Variants in DIPK1C observed in about 807,000 individuals in gnomAD.
The protein encoded by DIPK1C is divergent protein kinase domain 1C.
In DIPK1C, 33 loss-of-function variants were observed where a neutral mutation model predicts 28.0. That is an observed-to-expected ratio of 1.18 (90% CI 0.89 to 1.58). The LOEUF (loss-of-function observed/expected upper bound fraction) is 1.58. DIPK1C is among the 40% of genes most tolerant of loss of function. DIPK1C has a pLI of 0.00. For synonymous variants in DIPK1C, 255 were observed against 248.8 expected (o/e 1.02, Z -0.23); for missense variants, 569 against 568.5 (o/e 1.00, Z -0.01).
chr18:74,455,738 A>AAG (rs1986496175), intron 1 of DIPK1C, among the ~76,000 whole-genome samples: 1 of 149,032 alleles, frequency 6.7e-6, no homozygotes. Flanking sequence ...AAAAAAAAGA[A>AAG]AAAGAAAAAG....
chr18:74,436,443 G>T lies in DIPK1C; in HGVS notation c.*58C>A. The T allele has an allele frequency of 6.8e-7, 1 of 1,475,590 alleles. No homozygotes were observed. Among genetic ancestry groups the T allele is most frequent in the Non-Finnish European group, 9.1e-7 (1 of 1,097,212 alleles). 91.4% of individuals were successfully genotyped at this position (1,475,590 alleles called of 1,614,324 possible). On this transcript the variant is annotated 3_prime_UTR_variant, in exon 4 of 4. Coordinates refer to ENST00000343998, the MANE Select transcript of DIPK1C (RefSeq NM_001044369.3). Reference sequence around the variant, plus strand: ...ATGGCTCATCTTTAAAACAATGGCAGAAGAAATCCAGCCAAGGTCACTTTT... The same window carrying T: ...ATGGCTCATCTTTAAAACAATGGCATAAGAAATCCAGCCAAGGTCACTTTT...
upstream of DIPK1C, among the ~76,000 whole-genome samples, chr18:74,458,940 C>CAAAAAAA (rs61690822): frequency 0.029 from 3,561 of 123,040 alleles, 56 homozygotes; most frequent in Non-Finnish European, 0.044. Context: ...CCAACCTGGG[C>CAAAAAAA]AAAAAAAAAA....
Position 74,436,620 on chromosome 18 carries a change from C to G in DIPK1C, c.1141G>C (p.Glu381Gln). 1 of 1,613,688 alleles carries G rather than the reference C, an allele frequency of 6.2e-7. No homozygotes were observed. Among genetic ancestry groups the G allele is most frequent in the Non-Finnish European group, 8.5e-7 (1 of 1,180,008 alleles). ...LQLQLQEAVQ[E>Q]CADPGVPSGN... ...CTGGGGACCCCAGGGTCTGCACATT[C>G]CTGCACCGCCTCCTGTAACTGCAGC... The change falls in exon 4 of 4, where the codon GAA becomes CAA. Residue 381 changes from glutamate to glutamine, a missense_variant. Transcript: ENST00000343998.
At chr18:74,461,095 G>A (rs142632014), upstream of DIPK1C, among the ~76,000 whole-genome samples, 4 of 152,320 alleles carry the variant, frequency 2.6e-5, no homozygotes, top group African/African-American at 4.8e-5. Flanking sequence ...AGAAGGACTC[G>A]GGTGAGAGCC....
At chr18:74,461,328 TTTCCTTCCTTCCTTCTTTCC>T (rs1461764529), upstream of DIPK1C, among the ~76,000 whole-genome samples, 1 of 143,478 alleles carries the variant, frequency 7.0e-6, no homozygotes, top group Non-Finnish European at 1.5e-5. Context: ...TTCTTTTTCT[TTTCCTTCCTTCCTTCTTTCC>T]TTCCTTCCTT....
chr18:74,464,216 C>G, the DIPK1C span, among the ~76,000 whole-genome samples: 1 of 152,170 alleles, frequency 6.6e-6, no homozygotes, highest in African/African-American at 2.4e-5. Context: ...CCTTTCTACT[C>G]TCAGACAACT....
At chr18:74,438,761 A>G (rs1438119396) in intron 3 of DIPK1C, among the ~76,000 whole-genome samples, 1 of 152,152 alleles carries the variant, frequency 6.6e-6, no homozygotes, top group Non-Finnish European at 1.5e-5. Context: ...GCATGCAGGG[A>G]TTCTTTGAGG....
intron 3 of DIPK1C, among the ~76,000 whole-genome samples, chr18:74,437,487 T>C (rs1259533390): frequency 2.6e-5 from 4 of 152,168 alleles, no homozygotes; most frequent in Non-Finnish European, 2.9e-5. Flanking sequence ...CTGGGAGAAA[T>C]GACCTGCGAG....
At chr18:74,442,304 T>A (rs969883345) in intron 2 of DIPK1C, among the ~76,000 whole-genome samples, 188 bp from the exon 3 acceptor site, 3 of 152,046 alleles carry the variant, frequency 2.0e-5, no homozygotes, top group Non-Finnish European at 2.9e-5. Flanking sequence ...CCCTAAAGTG[T>A]CTGCATGCAT....
At chr18:74,457,537 G>T (rs182994798), upstream of DIPK1C, among the ~76,000 whole-genome samples, 181 of 152,278 alleles carry the variant, frequency 1.2e-3, no homozygotes, top group Middle Eastern at 6.8e-3. Flanking sequence ...CCCCCAAGAA[G>T]ACCAGCTCCC....
chr18:74,459,983 C>T (rs548297423), upstream of DIPK1C, among the ~76,000 whole-genome samples: 4 of 152,320 alleles, frequency 2.6e-5, no homozygotes, highest in South Asian at 2.1e-4. Context: ...GGCCCCAACA[C>T]GCCAATCCCA....
upstream of DIPK1C, among the ~76,000 whole-genome samples, chr18:74,459,879 C>T (rs1326776401): frequency 1.3e-5 from 2 of 152,194 alleles, no homozygotes; most frequent in East Asian, 1.9e-4. Flanking sequence ...CAAGCTCTGA[C>T]CCCATCTGCA....
upstream of DIPK1C, chr18:74,458,084 C>G (rs1288970019): frequency 6.6e-6 from 1 of 152,344 alleles, no homozygotes; most frequent in East Asian, 1.9e-4. Context: ...GTTCCCATCC[C>G]AATTGTTCTG....
chr18:74,442,324 CTTTTTCTTTTTT>C (rs1169006724), intron 2 of DIPK1C, among the ~76,000 whole-genome samples: 2 of 150,630 alleles, frequency 1.3e-5, no homozygotes, highest in Non-Finnish European at 2.9e-5. Context: ...TTTTCTTTTT[CTTTTTCTTTTTT>C]TTTTTTAATT....
At chr18:74,450,094 A>C (rs1303331037) in intron 1 of DIPK1C, among the ~76,000 whole-genome samples, 1 of 152,038 alleles carries the variant, frequency 6.6e-6, no homozygotes, top group African/African-American at 2.4e-5. Context: ...ACCGTGAGCA[A>C]GAAGATATAG....
chr18:74,457,252 C>A lies in DIPK1C; in HGVS notation c.8G>T (p.Arg3Leu). The change falls in exon 1 of 4, where the codon CGG becomes CTG. Residue 3 changes from arginine to leucine, a missense_variant. Arg to Leu is a moderately radical substitution (Grantham distance 102, BLOSUM62 -2). Transcript: ENST00000343998. MA[R>L]AAGARGPAGW... ...GGCAGGGCCCCGCGCGCCCGCCGCCCGCGCCATGGCCAGCCCTGCCCGCGC... is the reference window on the plus strand; with the variant it reads ...GGCAGGGCCCCGCGCGCCCGCCGCCAGCGCCATGGCCAGCCCTGCCCGCGC... 2.0e-6 allele frequency: 2 copies of A among 1,001,150 alleles called. No individual in the cohort carries two copies. Among genetic ancestry groups the A allele is most frequent in the Non-Finnish European group, 2.4e-6 (2 of 841,966 alleles). The allele number at this position is 1,001,150 out of a possible 1,614,324, so 62.0% of individuals were successfully genotyped here. A position where few individuals can be genotyped will look rare whatever the true frequency, so the allele number is the denominator to read the frequency against.
At chr18:74,437,702 T>G (rs1296521902) in intron 3 of DIPK1C, among the ~76,000 whole-genome samples, 1 of 152,180 alleles carries the variant, frequency 6.6e-6, no homozygotes, top group East Asian at 1.9e-4. Flanking sequence ...TGTGCAAAAT[T>G]TAAAATGTTC....
chr18:74,439,070 CT>C (rs199873271), intron 3 of DIPK1C, among the ~76,000 whole-genome samples: 5 of 150,846 alleles, frequency 3.3e-5, no homozygotes, highest in East Asian at 1.9e-4. Context: ...AAATTTGCTC[CT>C]TTTTTTTGTA....
chr18:74,442,381 T>G (rs1339195516), intron 2 of DIPK1C, among the ~76,000 whole-genome samples: 1 of 152,098 alleles, frequency 6.6e-6, no homozygotes, highest in Admixed American at 6.6e-5. Flanking sequence ...CAGGCTGGAG[T>G]GCAGTGGCGC....
Sources: gnomAD v4.1 joint callset for allele counts (sites outside exome capture counted in the v4.1 genomes callset) on GRCh38, gnomAD v4.1.1 for gene constraint, MANE v1.5 for transcripts, NCBI Gene and HGNC (gene_info 2026-07-23, HGNC 2026-07-21) for gene names.